TMEM132B: variants seen among roughly 807,000 people sequenced by gnomAD.
The protein encoded by TMEM132B is transmembrane protein 132B.
Under a neutral mutation model 90.8 loss-of-function variants are expected in TMEM132B, and 18 were observed. The observed-to-expected ratio is 0.20, with a 90% CI of 0.14 to 0.29. TMEM132B has a LOEUF of 0.29. Ranked by LOEUF, TMEM132B falls within the 10% of genes least tolerant of loss-of-function variation. The pLI is 1.00. For synonymous variants in TMEM132B, 504 were observed against 523.3 expected (o/e 0.96, Z 0.50); for missense variants, 1,096 against 1,326.8 (o/e 0.83, Z 2.70).
intron 3 of TMEM132B, among the ~76,000 whole-genome samples, chr12:125,505,195 A>AAAAAAAAC (rs1183847146): frequency 3.4e-5 from 5 of 148,010 alleles, no homozygotes; most frequent in African/African-American, 5.1e-5. Flanking sequence ...AAAAAAAAAA[A>AAAAAAAAC]CAGTAAGTGG....
At chr12:125,264,782 G>A (rs1354613822) in intron 1 of TMEM132B, among the ~76,000 whole-genome samples, 1 of 152,212 alleles carries the variant, frequency 6.6e-6, no homozygotes, top group Admixed American at 6.5e-5. Flanking sequence ...CGATTATAAA[G>A]TCCATCTGCA....
intron 2 of TMEM132B, among the ~76,000 whole-genome samples, chr12:125,366,191 A>G (rs1319862857): frequency 2.0e-5 from 3 of 152,108 alleles, no homozygotes; most frequent in African/African-American, 7.2e-5. Flanking sequence ...CATTGCTGCA[A>G]ATGACAGGAT....
At chr12:125,515,807 A>G (rs1007506271) in intron 3 of TMEM132B, among the ~76,000 whole-genome samples, 12 of 140,604 alleles carry the variant, frequency 8.5e-5, no homozygotes, top group Admixed American at 2.3e-4. Context: ...ACAAATACAC[A>G]TTCTATCAAC....
intron 1 of TMEM132B, among the ~76,000 whole-genome samples, chr12:125,306,843 A>C (rs1875983561): frequency 6.6e-6 from 1 of 152,230 alleles, no homozygotes; most frequent in Non-Finnish European, 1.5e-5. Flanking sequence ...AGTGTCCTTC[A>C]AGTTGATCAG....
intron 5 of TMEM132B, among the ~76,000 whole-genome samples, chr12:125,635,763 G>A (rs974760718): frequency 1.3e-5 from 2 of 152,180 alleles, no homozygotes; most frequent in African/African-American, 4.8e-5. Flanking sequence ...CACCAACAGT[G>A]TAAAAGCATT....
intron 1 of TMEM132B, among the ~76,000 whole-genome samples, chr12:125,241,009 A>C (rs968001417): frequency 6.6e-6 from 1 of 152,220 alleles, no homozygotes; most frequent in Non-Finnish European, 1.5e-5. Flanking sequence ...GGGTAGGGCG[A>C]GTACCTCCTT....
intron 5 of TMEM132B, chr12:125,587,132 A>G (rs1446537325): frequency 6.6e-6 from 1 of 151,282 alleles, no homozygotes; most frequent in Non-Finnish European, 1.5e-5. Flanking sequence ...GTCTTAGACT[A>G]TATTACCCAT....
chr12:125,248,545 G>C (rs898045951), intron 1 of TMEM132B, among the ~76,000 whole-genome samples: 1 of 152,210 alleles, frequency 6.6e-6, no homozygotes, highest in Non-Finnish European at 1.5e-5. Flanking sequence ...CGCTAGATGT[G>C]TAGAAAACCA....
intron 5 of TMEM132B, among the ~76,000 whole-genome samples, chr12:125,614,063 A>T (rs1223020552): frequency 6.6e-6 from 1 of 152,204 alleles, no homozygotes; most frequent in Admixed American, 6.5e-5. Flanking sequence ...AGAAAGGAAG[A>T]AAAAGAAATA....
intron 5 of TMEM132B, among the ~76,000 whole-genome samples, chr12:125,596,862 A>G (rs1885451591): frequency 6.6e-6 from 1 of 152,228 alleles, no homozygotes. Context: ...ACTTCTTTTC[A>G]TAGAAGCACA....
chr12:125,230,482 A>AT (rs1248608595), intron 1 of TMEM132B, among the ~76,000 whole-genome samples: 12 of 149,760 alleles, frequency 8.0e-5, no homozygotes, highest in East Asian at 3.9e-4. Context: ...TTTTTTTCTC[A>AT]TTTTTTTATT....
At chr12:125,587,604 G>A (rs1031994937) in intron 5 of TMEM132B, 3 of 152,096 alleles carry the variant, frequency 2.0e-5, no homozygotes, top group African/African-American at 7.2e-5. Flanking sequence ...TAAAACCTGT[G>A]CCCTCCAGCT....
At chr12:125,385,087 A>G (rs1197848320) in intron 2 of TMEM132B, among the ~76,000 whole-genome samples, 1 of 152,190 alleles carries the variant, frequency 6.6e-6, no homozygotes, top group African/African-American at 2.4e-5. Flanking sequence ...ATCATGCTGC[A>G]TTTGCCTCCA....
intron 1 of TMEM132B, among the ~76,000 whole-genome samples, chr12:125,243,980 A>G (rs976542937): frequency 6.6e-6 from 1 of 151,780 alleles, no homozygotes; most frequent in Non-Finnish European, 1.5e-5. Flanking sequence ...GAGTTTGCCT[A>G]TTCGGGACAT....
chr12:125,349,765 C>G lies in TMEM132B; in HGVS notation c.381C>G (p.Ser127=), dbSNP rs1566009861. The change falls in exon 2 of 9, where the codon TCC becomes TCG. Residue 127 remains serine, a synonymous_variant. Transcript: ENST00000682704. The surrounding 1 kb of genome is among the most constrained non-coding windows in gnomAD (Gnocchi z 4.1). ...TTCCCTTCAACTGGAAATTGAAATC[C>G]CACATCCTTGACAGCTCCATCTACT... ...DKFPFNWKLK[S]HILDSSIYSN... is the part of the protein sequence containing the mutation. 1 of 1,614,228 alleles carries G rather than the reference C, an allele frequency of 6.2e-7. No individual in the cohort carries two copies. Among genetic ancestry groups the G allele is most frequent in the Non-Finnish European group, 8.5e-7 (1 of 1,180,036 alleles).
At chr12:125,559,620 G>A (rs1193919109) in intron 4 of TMEM132B, among the ~76,000 whole-genome samples, 4 of 152,080 alleles carry the variant, frequency 2.6e-5, no homozygotes, top group East Asian at 1.9e-4. Flanking sequence ...CTGACCTCCC[G>A]GGGATGCTGT....
At chr12:125,649,869 G>A (rs1225259856) in intron 6 of TMEM132B, among the ~76,000 whole-genome samples, 1 of 152,170 alleles carries the variant, frequency 6.6e-6, no homozygotes, top group Admixed American at 6.5e-5. Flanking sequence ...AGGATAACAG[G>A]TGCCAGGGAG....
chr12:125,400,852 G>A (rs1240179477), intron 2 of TMEM132B, among the ~76,000 whole-genome samples: 2 of 152,134 alleles, frequency 1.3e-5, no homozygotes, highest in East Asian at 1.9e-4. Flanking sequence ...GCATGACTCC[G>A]CTCGACAGAA....
intron 3 of TMEM132B, among the ~76,000 whole-genome samples, chr12:125,462,907 C>T (rs547550785): frequency 3.9e-5 from 6 of 152,136 alleles, no homozygotes; most frequent in Admixed American, 3.3e-4. Flanking sequence ...ATGACCCAGA[C>T]CCAAGGGCCC....
Sources: allele counts gnomAD v4.1 joint callset (sites outside exome capture counted in the v4.1 genomes callset), GRCh38; gene constraint gnomAD v4.1.1; non-coding constraint Gnocchi (gnomAD v3.1); transcripts MANE v1.5; gene names NCBI Gene and HGNC (gene_info 2026-07-23, HGNC 2026-07-21).